The following PTPRN2 variants were observed in gnomAD, a reference collection of about 807,000 sequenced individuals.
PTPRN2 encodes protein tyrosine phosphatase receptor type N2, also known as receptor-type tyrosine-protein phosphatase N2.
In PTPRN2, 74 loss-of-function variants were observed where a neutral mutation model predicts 118.8. The observed-to-expected ratio is 0.62, with a 90% CI of 0.52 to 0.76. The LOEUF (loss-of-function observed/expected upper bound fraction) is 0.76, where lower values mean the gene tolerates loss of function less well. PTPRN2 is among the 30% of genes least tolerant of loss of function. The pLI, the probability that PTPRN2 is intolerant of heterozygous loss-of-function variation, is 0.00. For missense variants in PTPRN2, 1,481 were observed against 1,394.4 expected (o/e 1.06, Z -0.99); for synonymous variants, 641 against 608.0 (o/e 1.05, Z -0.80).
intron 2 of PTPRN2, among the ~76,000 whole-genome samples, chr7:158,470,214 T>C (rs1819754371): frequency 1.3e-5 from 2 of 152,224 alleles, no homozygotes; most frequent in African/African-American, 4.8e-5. Flanking sequence ...GAAAAAAACA[T>C]AAAATTTATT....
At chr7:158,557,361 A>AGGTCAGGCGGCTCCCGCGCC (rs1827109687) in intron 1 of PTPRN2, among the ~76,000 whole-genome samples, 1 of 149,958 alleles carries the variant, frequency 6.7e-6, no homozygotes, top group African/African-American at 2.5e-5. Flanking sequence ...GCTCCCACGC[A>AGGTCAGGCGGCTCCCGCGCC]GGTCAGGCGG....
chr7:158,021,822 A>ACAT (rs1261181259), intron 11 of PTPRN2, among the ~76,000 whole-genome samples: 2 of 152,260 alleles, frequency 1.3e-5, no homozygotes, highest in African/African-American at 4.8e-5. Flanking sequence ...AAAGACCACT[A>ACAT]CATCGGCCAA....
At chr7:158,425,964 G>T (rs1174402480) in intron 2 of PTPRN2, among the ~76,000 whole-genome samples, 1 of 127,538 alleles carries the variant, frequency 7.8e-6, no homozygotes, top group Non-Finnish European at 1.6e-5. Context: ...AAGACGCAGA[G>T]TCCGAGACCA....
intron 11 of PTPRN2, among the ~76,000 whole-genome samples, chr7:158,037,355 ATGT>A (rs1451484849): frequency 6.6e-6 from 1 of 152,198 alleles, no homozygotes; most frequent in Non-Finnish European, 1.5e-5. Context: ...TCGTTAGCTG[ATGT>A]TGTGCCAACA....
intron 12 of PTPRN2, among the ~76,000 whole-genome samples, chr7:157,711,966 G>T (rs1425518959): frequency 9.2e-6 from 1 of 108,858 alleles, no homozygotes; most frequent in African/African-American, 4.2e-5. Flanking sequence ...TGGAAGGGGG[G>T]CCGGGCAGCT....
chr7:157,866,275 C>A (rs1207744523), intron 12 of PTPRN2, among the ~76,000 whole-genome samples: 1 of 152,132 alleles, frequency 6.6e-6, no homozygotes, highest in Non-Finnish European at 1.5e-5. Context: ...GAGCAGGAAA[C>A]AACATTGCAT....
In PTPRN2 at chr7:158,027,512, C is replaced by G. The variant is rs1807369215; in HGVS notation, c.1723+53786G>C. 1.3e-5 allele frequency: 2 copies of G among 152,306 alleles called. 1 individual carries two copies. Among genetic ancestry groups the G allele is most frequent in the Admixed American group, 1.3e-4 (2 of 15,298 alleles). 9.4% of individuals were successfully genotyped at this position (152,306 alleles called of 1,614,324 possible). ...GAGGGAAAGAGATGGGACCAAAAAC[C>G]TTAGGGAGAACCTTGGGGCCAGCTG... On this transcript the variant is annotated intron_variant, in intron 11 of 22. Transcript: ENST00000389418.
chr7:158,169,224 T>C (rs539525295), intron 5 of PTPRN2, among the ~76,000 whole-genome samples: 2 of 152,198 alleles, frequency 1.3e-5, no homozygotes, highest in African/African-American at 4.8e-5. Context: ...AGTGGGTTGA[T>C]AGAGGTTGGG....
intron 11 of PTPRN2, among the ~76,000 whole-genome samples, chr7:158,051,921 G>T (rs1471398376): frequency 6.6e-6 from 1 of 152,218 alleles, no homozygotes; most frequent in Non-Finnish European, 1.5e-5. Context: ...CTACCTGGTA[G>T]AGAGCGAGGA....
At chr7:158,010,460 A>T (rs889714392) in intron 11 of PTPRN2, among the ~76,000 whole-genome samples, 5 of 152,332 alleles carry the variant, frequency 3.3e-5, no homozygotes, top group African/African-American at 1.2e-4. Context: ...AGATGGATGG[A>T]TTTACTCAAA....
intron 5 of PTPRN2, among the ~76,000 whole-genome samples, chr7:158,178,074 G>A (rs918453777): frequency 2.0e-5 from 3 of 152,078 alleles, no homozygotes; most frequent in African/African-American, 7.2e-5. Context: ...ATTCTTATAG[G>A]TTTGTAGTGG....
chr7:158,263,767 G>A (rs1797693507), intron 3 of PTPRN2, among the ~76,000 whole-genome samples: 1 of 152,222 alleles, frequency 6.6e-6, no homozygotes, highest in South Asian at 2.1e-4. Flanking sequence ...CGTGGCACCT[G>A]GGGAGAACCT....
chr7:158,037,888 G>A (rs1025864486), intron 11 of PTPRN2, among the ~76,000 whole-genome samples: 6 of 152,222 alleles, frequency 3.9e-5, no homozygotes, highest in Non-Finnish European at 7.3e-5. Flanking sequence ...GACACCAAGT[G>A]TCTACTCTGT....
At chr7:158,256,480 G>A (rs1797029034) in intron 3 of PTPRN2, among the ~76,000 whole-genome samples, 1 of 152,088 alleles carries the variant, frequency 6.6e-6, no homozygotes, top group Non-Finnish European at 1.5e-5. Context: ...TTAGATGGTG[G>A]ACCATTGGCA....
intron 3 of PTPRN2, among the ~76,000 whole-genome samples, chr7:158,271,661 T>C (rs1798522880): frequency 6.6e-6 from 1 of 152,188 alleles, no homozygotes; most frequent in South Asian, 2.1e-4. Context: ...GAAAATACCA[T>C]AGCTTGGGTA....
At chr7:158,356,940 G>A (rs555404486) in intron 2 of PTPRN2, among the ~76,000 whole-genome samples, 1 of 152,300 alleles carries the variant, frequency 6.6e-6, no homozygotes, top group East Asian at 1.9e-4. Flanking sequence ...AAGATCCTGG[G>A]CCCCAGCACA....
chr7:158,285,902 C>T (rs561977851), intron 3 of PTPRN2, among the ~76,000 whole-genome samples: 1 of 152,144 alleles, frequency 6.6e-6, no homozygotes, highest in Admixed American at 6.5e-5. Flanking sequence ...GAGAGAGCTC[C>T]ACACACCTCT....
chr7:158,550,285 C>T (rs1024698255), intron 1 of PTPRN2, among the ~76,000 whole-genome samples: 4 of 152,224 alleles, frequency 2.6e-5, no homozygotes, highest in African/African-American at 9.6e-5. Context: ...TCCCCACCAG[C>T]CTGCCCCTCA....
chr7:158,137,245 GTCTCTACTAAAAATACAAAAAAT>G (rs1191589508), intron 7 of PTPRN2, among the ~76,000 whole-genome samples: 3 of 151,966 alleles, frequency 2.0e-5, no homozygotes, highest in African/African-American at 7.3e-5. Context: ...GCGAAACCCC[GTCTCTACTAAAAATACAAAAAAT>G]TAGCTGGGCG....
Sources: gnomAD v4.1 joint callset for allele counts (sites outside exome capture counted in the v4.1 genomes callset) on GRCh38, gnomAD v4.1.1 for gene constraint, MANE v1.5 for transcripts, NCBI Gene and HGNC (gene_info 2026-07-23, HGNC 2026-07-21) for gene names.